Variants in APELA observed in about 807,000 individuals in gnomAD.
APELA encodes apelin receptor early endogenous ligand, also known as protein Elabela.
In APELA at chr4:164,885,350, C is replaced by T. The variant is rs569989529; in HGVS notation, c.*1+6341C>T. Among the ~76,000 whole-genome samples, 12 of 151,744 alleles carry T rather than the reference C, an allele frequency of 7.9e-5. No homozygotes were observed. The East Asian group carries it at 2.0e-3, about 25-fold the overall frequency. The stretch of plus-strand genomic sequence containing the variant: ...TTCACCATGTTGGCCAGGTTGGTCT[C>T]GAACTCCTGACTTCAAGTGATCTGC... On this transcript the variant is annotated intron_variant, in intron 2 of 2. Coordinates refer to ENST00000507152, the MANE Select transcript of APELA (RefSeq NM_001297550.2).
intron 2 of APELA, among the ~76,000 whole-genome samples, chr4:164,892,398 T>C (rs1344955094): frequency 6.6e-6 from 1 of 152,158 alleles, no homozygotes; most frequent in African/African-American, 2.4e-5. Context: ...ATGTGTTATG[T>C]GTTTTGTCTC....
intron 2 of APELA, among the ~76,000 whole-genome samples, chr4:164,894,607 G>A (rs1440927258): frequency 6.6e-6 from 1 of 152,028 alleles, no homozygotes; most frequent in Non-Finnish European, 1.5e-5. Context: ...GTTTCACCAT[G>A]TTGGCCAGGC....
intron 2 of APELA, among the ~76,000 whole-genome samples, chr4:164,887,648 G>T (rs1355765651): frequency 1.3e-5 from 2 of 149,034 alleles, no homozygotes; most frequent in African/African-American, 5.0e-5. Context: ...TTTCTCTCTT[G>T]TCACCCAGGC....
At chr4:164,881,555 T>G (rs1216745500) in intron 2 of APELA, among the ~76,000 whole-genome samples, 1 of 151,990 alleles carries the variant, frequency 6.6e-6, no homozygotes, top group Non-Finnish European at 1.5e-5. Flanking sequence ...TCAGAAATAT[T>G]TTGGCACCAC....
At chr4:164,893,537 C>A (rs1319998597) in intron 2 of APELA, among the ~76,000 whole-genome samples, 2 of 152,012 alleles carry the variant, frequency 1.3e-5, no homozygotes, top group Non-Finnish European at 2.9e-5. Flanking sequence ...CCTCAGTTGA[C>A]CCTTTTAGCA....
intron 2 of APELA, among the ~76,000 whole-genome samples, chr4:164,890,877 A>G (rs1014544921): frequency 1.3e-5 from 2 of 152,136 alleles, no homozygotes; most frequent in African/African-American, 4.8e-5. Context: ...GTGGGTTTTA[A>G]TTTCTCCACA....
intron 2 of APELA, among the ~76,000 whole-genome samples, chr4:164,880,247 C>A (rs1341828044): frequency 1.3e-5 from 2 of 152,142 alleles, no homozygotes; most frequent in Non-Finnish European, 2.9e-5. Flanking sequence ...TTAATGCATG[C>A]TTTCCAAACC....
At chr4:164,882,909 A>G (rs929370125) in intron 2 of APELA, among the ~76,000 whole-genome samples, 13 of 152,158 alleles carry the variant, frequency 8.5e-5, no homozygotes, top group East Asian at 1.9e-4. Context: ...ATGTCCCTAC[A>G]AAGGACATGA....
chr4:164,888,688 G>A (rs1480502859), intron 2 of APELA, among the ~76,000 whole-genome samples: 1 of 152,130 alleles, frequency 6.6e-6, no homozygotes, highest in African/African-American at 2.4e-5. Context: ...TTACCTTGCA[G>A]CAACCTTCAC....
chr4:164,892,078 AG>A (rs1190772906), intron 2 of APELA, among the ~76,000 whole-genome samples: 3 of 152,030 alleles, frequency 2.0e-5, no homozygotes, highest in Non-Finnish European at 4.4e-5. Context: ...CGGGAGGCTG[AG>A]GGGGGCAGAT....
At chr4:164,889,910 T>G (rs1043730217) in intron 2 of APELA, among the ~76,000 whole-genome samples, 1 of 152,330 alleles carries the variant, frequency 6.6e-6, no homozygotes, top group African/African-American at 2.4e-5. Flanking sequence ...GCAAACAATT[T>G]AAAGTATACG....
At chr4:164,895,162 C>G (rs1022364618) in intron 2 of APELA, among the ~76,000 whole-genome samples, 3 of 152,176 alleles carry the variant, frequency 2.0e-5, no homozygotes, top group African/African-American at 7.2e-5. Context: ...CGTGCCACTG[C>G]ACTCCAGCCT....
chr4:164,892,194 C>T (rs971402859), intron 2 of APELA, among the ~76,000 whole-genome samples: 5 of 152,104 alleles, frequency 3.3e-5, no homozygotes, highest in African/African-American at 4.8e-5. Flanking sequence ...CATGCACCTA[C>T]GGTCCCAGCT....
At chr4:164,894,749 C>G (rs1378655237) in intron 2 of APELA, among the ~76,000 whole-genome samples, 2 of 152,160 alleles carry the variant, frequency 1.3e-5, no homozygotes, top group Non-Finnish European at 2.9e-5. Flanking sequence ...GTTTTCCAGG[C>G]TGTTTTTAAA....
Position 164,897,416 on chromosome 4 carries a change from A to G in APELA, c.*2002A>G, listed in dbSNP as rs1490251128. On this transcript the variant is annotated 3_prime_UTR_variant, in exon 3 of 3. Coordinates refer to ENST00000507152, the MANE Select transcript of APELA (RefSeq NM_001297550.2). Reference sequence around the variant, plus strand: ...ATTCAATACAAGTCTAAACTCTTTCAAATACAAATTCGCATATTCACAGAA... The same window carrying G: ...ATTCAATACAAGTCTAAACTCTTTCGAATACAAATTCGCATATTCACAGAA... 1 of 152,258 alleles carries G rather than the reference A, an allele frequency of 6.6e-6. No homozygotes were observed. The highest frequency in any genetic ancestry group is 1.5e-5 in the Non-Finnish European group (1 of 68,048). The allele number at this position is 152,258 out of a possible 1,614,324, so 9.4% of individuals were successfully genotyped here. A position where few individuals can be genotyped will look rare whatever the true frequency, so the allele number is the denominator to read the frequency against.
At chr4:164,883,484 C>CTTTTTTTTTTTTTTTTTT (rs758157733) in intron 2 of APELA, among the ~76,000 whole-genome samples, 2 of 129,368 alleles carry the variant, frequency 1.5e-5, no homozygotes, top group Non-Finnish European at 1.6e-5. Flanking sequence ...TCTAGTCTTT[C>CTTTTTTTTTTTTTTTTTT]TTTTTCTTTT....
In APELA at chr4:164,885,604, C is replaced by T. The variant is rs975507976; in HGVS notation, c.*1+6595C>T. Among the ~76,000 whole-genome samples the T allele has an allele frequency of 1.6e-4, 25 of 151,948 alleles. 1 individual carries two copies. Among genetic ancestry groups the T allele is most frequent in the Non-Finnish European group, 2.2e-4 (15 of 67,982 alleles). The stretch of plus-strand genomic sequence containing the variant: ...GAAAATACAAAAATTAGCCAGGTCT[C>T]ATGGTGGGCACCTGTAATCCCAGCT... On this transcript the variant is annotated intron_variant, in intron 2 of 2. Transcript: ENST00000507152.
rs1422767897 is a variant in APELA, at chr4:164,896,845, G to A, written c.*1431G>A. ...TCTATCACCCAGGCTAAAGTGCAGT[G>A]GCATGATCTAGGCTAACTCCCTGGC... On this transcript the variant is annotated 3_prime_UTR_variant, in exon 3 of 3. Coordinates refer to ENST00000507152, the MANE Select transcript of APELA (RefSeq NM_001297550.2). 6.6e-6 allele frequency: 1 copy of A among 151,690 alleles called. No individual in the cohort carries two copies. Among genetic ancestry groups the A allele is most frequent in the African/African-American group, 2.4e-5 (1 of 41,290 alleles). 9.4% of individuals were successfully genotyped at this position (151,690 alleles called of 1,614,324 possible). A position where few individuals can be genotyped will look rare whatever the true frequency, so the allele number is the denominator to read the frequency against.
Position 164,897,400 on chromosome 4 carries a change from A to T in APELA, c.*1986A>T, listed in dbSNP as rs954899145. ...AGTCAAGATACATCTCATTCAATAC[A>T]AGTCTAAACTCTTTCAAATACAAAT... is the stretch of plus-strand genomic sequence containing the variant. On this transcript the variant is annotated 3_prime_UTR_variant, in exon 3 of 3. Coordinates refer to ENST00000507152, the MANE Select transcript of APELA (RefSeq NM_001297550.2). 7 of 152,368 alleles carry T rather than the reference A, an allele frequency of 4.6e-5. No individual in the cohort carries two copies. The highest frequency in any genetic ancestry group is 1.7e-4 in the African/African-American group (7 of 41,590). 9.4% of individuals were successfully genotyped at this position (152,368 alleles called of 1,614,324 possible).
Sources: allele counts gnomAD v4.1 joint callset (sites outside exome capture counted in the v4.1 genomes callset), GRCh38; gene constraint gnomAD v4.1.1; transcripts MANE v1.5; gene names NCBI Gene and HGNC (gene_info 2026-07-23, HGNC 2026-07-21).